PHACTR3: variants seen among roughly 807,000 people sequenced by gnomAD.
The protein encoded by PHACTR3 is phosphatase and actin regulator 3.
A neutral mutation model predicts 66.8 loss-of-function variants in PHACTR3; 16 were observed. That is an observed-to-expected ratio of 0.24 (90% confidence interval 0.16 to 0.36). The LOEUF (loss-of-function observed/expected upper bound fraction) is 0.36, where lower values mean the gene tolerates loss of function less well. Ranked by LOEUF, PHACTR3 falls within the 10% of genes least tolerant of loss-of-function variation. The pLI is 1.00. For missense variants in PHACTR3, 647 were observed against 719.9 expected (o/e 0.90, Z 1.16); for synonymous variants, 323 against 292.1 (o/e 1.11, Z -1.08).
intron 8 of PHACTR3, among the ~76,000 whole-genome samples, chr20:59,819,693 G>T (rs554814781): frequency 1.3e-5 from 2 of 151,852 alleles, no homozygotes. Flanking sequence ...GAGGCACCTG[G>T]TTGGGCCAGT....
At chr20:59,698,739 T>C (rs1248350625) in intron 1 of PHACTR3, among the ~76,000 whole-genome samples, 2 of 152,202 alleles carry the variant, frequency 1.3e-5, no homozygotes, top group African/African-American at 4.8e-5. Flanking sequence ...CGGGAGAATG[T>C]TTGCAGCAAA....
In PHACTR3 at chr20:59,768,859, G is replaced by A. The variant is rs137874965; in HGVS notation, c.751+1464G>A. Among the ~76,000 whole-genome samples the A allele has an allele frequency of 1.1e-4, 17 of 152,356 alleles. 1 individual carries two copies. Among genetic ancestry groups the A allele is most frequent in the African/African-American group, 3.4e-4 (14 of 41,592 alleles). Reference sequence around the variant, plus strand: ...ATTCTCAGCCAGATACCACAGAAACGGAGGAGGTGAGATGCACCCCACAGG... The same window carrying A: ...ATTCTCAGCCAGATACCACAGAAACAGAGGAGGTGAGATGCACCCCACAGG... On this transcript the variant is annotated intron_variant, in intron 5 of 12. Coordinates refer to ENST00000371015, the MANE Select transcript of PHACTR3 (RefSeq NM_080672.5).
chr20:59,720,384 G>A (rs1209662801), intron 1 of PHACTR3, among the ~76,000 whole-genome samples: 1 of 152,170 alleles, frequency 6.6e-6, no homozygotes, highest in Non-Finnish European at 1.5e-5. Context: ...CAGAGGCCAC[G>A]GGCTCTTCTG....
intron 7 of PHACTR3, among the ~76,000 whole-genome samples, chr20:59,790,194 G>A (rs1047880911): frequency 2.6e-5 from 4 of 152,126 alleles, no homozygotes; most frequent in Non-Finnish European, 5.9e-5. Context: ...TGTCATGAGG[G>A]TTTGTTGTAC....
intron 1 of PHACTR3, among the ~76,000 whole-genome samples, chr20:59,655,731 G>A (rs892214030): frequency 6.6e-6 from 1 of 151,694 alleles, no homozygotes; most frequent in Non-Finnish European, 1.5e-5. Flanking sequence ...TTTTCGAGTG[G>A]AGGATTTGGC....
intron 7 of PHACTR3, among the ~76,000 whole-genome samples, chr20:59,789,248 C>T (rs1767840): frequency 0.97 from 148,247 of 152,140 alleles, 72,256 homozygotes; most frequent in East Asian, 1. Flanking sequence ...GATGAGGAGG[C>T]AGAGACTGGA....
intron 1 of PHACTR3, among the ~76,000 whole-genome samples, chr20:59,587,779 G>C (rs2033077114): frequency 6.6e-6 from 1 of 152,192 alleles, no homozygotes; most frequent in Admixed American, 6.5e-5. Context: ...GCTGGGGCCT[G>C]GGCCCGGGTC....
Position 59,738,191 on chromosome 20 carries a change from C to G in PHACTR3, c.119-4916C>G, listed in dbSNP as rs914063504. On this transcript the variant is annotated intron_variant, in intron 1 of 12. Coordinates refer to ENST00000371015, the MANE Select transcript of PHACTR3 (RefSeq NM_080672.5). The surrounding 1 kb of genome is among the most constrained non-coding windows in gnomAD (Gnocchi z 4.4). ...GCAAAGGGGATGCAGGGAGTCAATG[C>G]TTCAACCTCCTGTTAGTAAGTGGCA... 1.3e-5 allele frequency among the ~76,000 whole-genome samples: 2 copies of G among 152,064 alleles called. No homozygotes were observed. Among genetic ancestry groups the G allele is most frequent in the African/African-American group, 4.8e-5 (2 of 41,428 alleles).
At chr20:59,719,662 T>C (rs2146673935) in intron 1 of PHACTR3, among the ~76,000 whole-genome samples, 1 of 152,306 alleles carries the variant, frequency 6.6e-6, no homozygotes, top group African/African-American at 2.4e-5. Context: ...TTGAAAAAAA[T>C]CAGCAGTTCC....
intron 1 of PHACTR3, among the ~76,000 whole-genome samples, chr20:59,709,285 G>C (rs998589272): frequency 6.6e-6 from 1 of 152,148 alleles, no homozygotes; most frequent in African/African-American, 2.4e-5. Context: ...CCCTGATCTT[G>C]TCAGGCTCCC....
At chr20:59,578,726 C>A (rs1172765491) in intron 1 of PHACTR3, among the ~76,000 whole-genome samples, 1 of 152,156 alleles carries the variant, frequency 6.6e-6, no homozygotes, top group African/African-American at 2.4e-5. Flanking sequence ...TTGGGAAACC[C>A]TGAGATACAG....
Position 59,672,529 on chromosome 20 carries a change from G to A in PHACTR3, c.118+67397G>A, listed in dbSNP as rs1017608577. 3.3e-5 allele frequency among the ~76,000 whole-genome samples: 5 copies of A among 152,304 alleles called. No individual in the cohort carries two copies. The East Asian group carries it at 5.8e-4, about 18-fold the overall frequency. ...CCACCTGTGTGACTATGGGTGGGTCGTATGTCCTCCTGAGCCTCAGTTTCC... is the reference window on the plus strand; with the variant it reads ...CCACCTGTGTGACTATGGGTGGGTCATATGTCCTCCTGAGCCTCAGTTTCC... On this transcript the variant is annotated intron_variant, in intron 1 of 12. Coordinates refer to ENST00000371015, the MANE Select transcript of PHACTR3 (RefSeq NM_080672.5).
intron 1 of PHACTR3, among the ~76,000 whole-genome samples, chr20:59,720,191 A>T (rs1241197031): frequency 6.6e-6 from 1 of 152,176 alleles, no homozygotes; most frequent in Non-Finnish European, 1.5e-5. Flanking sequence ...AGGCTAGCAT[A>T]TCTGGTCCGA....
At position 59,736,379 on chromosome 20, in the gene PHACTR3, T is replaced by A. The variant is rs1383502773; in HGVS notation, c.119-6728T>A. Among the ~76,000 whole-genome samples, 1 of 151,968 alleles carries A rather than the reference T, an allele frequency of 6.6e-6. No homozygotes were observed. Among genetic ancestry groups the A allele is most frequent in the Non-Finnish European group, 1.5e-5 (1 of 67,938 alleles). The stretch of plus-strand genomic sequence containing the variant: ...ACTGCAGGGAGAGACGGGGAGAGAA[T>A]TCCTGGAGTGGGGGGAGGTGCTCCC... On this transcript the variant is annotated intron_variant, in intron 1 of 12. Coordinates refer to ENST00000371015, the MANE Select transcript of PHACTR3 (RefSeq NM_080672.5). This position sits in a 1 kb window ranked among gnomAD's most constrained non-coding sequence, Gnocchi z 4.6.
At chr20:59,620,437 A>C (rs1477317473) in intron 1 of PHACTR3, among the ~76,000 whole-genome samples, 2 of 152,208 alleles carry the variant, frequency 1.3e-5, no homozygotes. Context: ...CGCGGCCAGC[A>C]TGTCTCCTTA....
intron 7 of PHACTR3, among the ~76,000 whole-genome samples, chr20:59,785,844 A>G (rs144543595): frequency 1.7e-5 from 2 of 117,362 alleles, no homozygotes; most frequent in African/African-American, 6.5e-5. Context: ...GTTTTCCAGC[A>G]GCCCTCTGCA....
rs747158465 is a variant in PHACTR3, at chr20:59,830,965, C to T, written c.1329-5540C>T. 2.0e-5 allele frequency among the ~76,000 whole-genome samples: 3 copies of T among 151,580 alleles called. No homozygotes were observed. The highest frequency in any genetic ancestry group is 1.9e-4 in the East Asian group (1 of 5,166). ...TCATGACTCCTGGAGCCTCTCCAGG[C>T]GTCCTGACTGTCCAGGCTGTCGGCG... On this transcript the variant is annotated intron_variant, in intron 8 of 12. Coordinates refer to ENST00000371015, the MANE Select transcript of PHACTR3 (RefSeq NM_080672.5). The surrounding 1 kb of genome is among the most constrained non-coding windows in gnomAD (Gnocchi z 5.8).
intron 7 of PHACTR3, among the ~76,000 whole-genome samples, chr20:59,780,256 C>A (rs1342949809): frequency 6.6e-6 from 1 of 152,224 alleles, no homozygotes; most frequent in Admixed American, 6.5e-5. Context: ...CTGTGTCTCA[C>A]CTGGGCCCAT....
intron 8 of PHACTR3, among the ~76,000 whole-genome samples, chr20:59,809,153 C>T (rs781131955): frequency 2.6e-5 from 4 of 152,106 alleles, no homozygotes; most frequent in African/African-American, 9.7e-5. Flanking sequence ...TCCCAACTCC[C>T]ACCAAAATCC....
Sources: allele counts gnomAD v4.1 joint callset (sites outside exome capture counted in the v4.1 genomes callset), GRCh38; gene constraint gnomAD v4.1.1; non-coding constraint Gnocchi (gnomAD v3.1); transcripts MANE v1.5; gene names NCBI Gene and HGNC (gene_info 2026-07-23, HGNC 2026-07-21).